Variants in DYRK1A observed in about 807,000 individuals in gnomAD.
The protein encoded by DYRK1A is dual specificity tyrosine phosphorylation regulated kinase 1A, also known as dual specificity tyrosine-phosphorylation-regulated kinase 1A.
A neutral mutation model predicts 79.7 loss-of-function variants in DYRK1A; 9 were observed. The observed-to-expected ratio is 0.11, with a 90% CI of 0.07 to 0.20. The LOEUF (loss-of-function observed/expected upper bound fraction) is 0.20, where lower values mean the gene tolerates loss of function less well. Among genes scored for constraint, DYRK1A ranks in the 10% least tolerant of loss-of-function variants. The pLI is 1.00. For missense variants in DYRK1A, 622 were observed against 956.0 expected (o/e 0.65, Z 4.61); for synonymous variants, 349 against 329.7 (o/e 1.06, Z -0.63).
In DYRK1A at chr21:37,488,432, T is replaced by C. The variant is rs546042709; in HGVS notation, c.638-1743T>C. ...GAGTCTGATTTATTCTGATGAGTTT[T>C]ATTGTCTTGTCTTTGAACTTTAAAA... On this transcript the variant is annotated intron_variant, in intron 6 of 11. Coordinates refer to ENST00000647188, the MANE Select transcript of DYRK1A (RefSeq NM_001347721.2). 45 of 703,268 alleles carry C rather than the reference T, an allele frequency of 6.4e-5. No homozygotes were observed. The African/African-American group carries it at 7.9e-4, about 12-fold the overall frequency. 43.6% of individuals were successfully genotyped at this position (703,268 alleles called of 1,614,324 possible). A position where few individuals can be genotyped will look rare whatever the true frequency, so the allele number is the denominator to read the frequency against.
At chr21:37,499,465 A>AG (rs2053374510) in intron 9 of DYRK1A, among the ~76,000 whole-genome samples, 1 of 152,198 alleles carries the variant, frequency 6.6e-6, no homozygotes, top group African/African-American at 2.4e-5. Context: ...TACCAAAAAA[A>AG]TGGTGCTAGC....
At chr21:37,398,163 TACACAC>T (rs1481965208) in intron 1 of DYRK1A, among the ~76,000 whole-genome samples, 1 of 149,142 alleles carries the variant, frequency 6.7e-6, no homozygotes, top group African/African-American at 2.5e-5. Flanking sequence ...CCCTGCAGTG[TACACAC>T]ACACACATAC....
chr21:37,372,987 C>G (rs937593376), intron 1 of DYRK1A, among the ~76,000 whole-genome samples: 4 of 151,988 alleles, frequency 2.6e-5, no homozygotes, highest in African/African-American at 9.7e-5. Flanking sequence ...AATTTAATTT[C>G]TCCATTAAAT....
intron 1 of DYRK1A, among the ~76,000 whole-genome samples, chr21:37,418,573 A>G (rs2050403232): frequency 6.6e-6 from 1 of 152,206 alleles, no homozygotes; most frequent in Admixed American, 6.6e-5. Flanking sequence ...ATTTGATTAT[A>G]TAGTTCATAG....
At chr21:37,416,539 A>G (rs573266561) in intron 1 of DYRK1A, among the ~76,000 whole-genome samples, 3 of 152,040 alleles carry the variant, frequency 2.0e-5, no homozygotes, top group African/African-American at 7.2e-5. Context: ...TCCTTTGGCT[A>G]TTATAATTCT....
chr21:37,370,379 T>C (rs192971721), intron 1 of DYRK1A, among the ~76,000 whole-genome samples: 117 of 152,130 alleles, frequency 7.7e-4, no homozygotes, highest in African/African-American at 2.2e-3. Context: ...TATCTAGTTA[T>C]GAGAAGAAAA....
intron 2 of DYRK1A, among the ~76,000 whole-genome samples, chr21:37,433,134 A>G (rs568991791): frequency 1.1e-4 from 16 of 151,896 alleles, no homozygotes; most frequent in African/African-American, 3.9e-4. Context: ...TTCTGATTCT[A>G]AAAGTAGTAC....
chr21:37,500,912 T>G lies in DYRK1A; in HGVS notation c.1213-4371T>G, dbSNP rs189104257. Among the ~76,000 whole-genome samples the G allele has an allele frequency of 6.6e-5, 10 of 151,762 alleles. No homozygotes were observed. In the East Asian group the frequency reaches 1.9e-3, roughly 29 times the overall value. ...TATTAATCTTTGCAGACAACCAGCT[T>G]TTGACTTTGTTGATTTCTTTTTTTT... On this transcript the variant is annotated intron_variant, in intron 9 of 11. Transcript: ENST00000647188.
At chr21:37,443,231 C>A (rs2051163469) in intron 2 of DYRK1A, among the ~76,000 whole-genome samples, 1 of 152,008 alleles carries the variant, frequency 6.6e-6, no homozygotes, top group South Asian at 2.1e-4. Context: ...CTTACTGCAA[C>A]CTTCAACTCC....
At chr21:37,498,982 G>A (rs2154545) in intron 9 of DYRK1A, among the ~76,000 whole-genome samples, 63,850 of 151,638 alleles carry the variant, frequency 0.42, 14,379 homozygotes, top group African/African-American at 0.58. Flanking sequence ...TGTGTTACTG[G>A]GTTGTTTAAT....
chr21:37,411,655 T>C (rs1235677031), intron 1 of DYRK1A, among the ~76,000 whole-genome samples: 3 of 152,226 alleles, frequency 2.0e-5, no homozygotes, highest in African/African-American at 4.8e-5. Flanking sequence ...GTCATTTTTA[T>C]AGAATGTCTA....
At chr21:37,415,117 C>T (rs1357319851) in intron 1 of DYRK1A, among the ~76,000 whole-genome samples, 1 of 152,138 alleles carries the variant, frequency 6.6e-6, no homozygotes, top group Non-Finnish European at 1.5e-5. Flanking sequence ...CGTCCAAATA[C>T]TCAGTGCCTG....
At chr21:37,506,618 A>T (rs1220843652) in intron 11 of DYRK1A, among the ~76,000 whole-genome samples, 1 of 152,164 alleles carries the variant, frequency 6.6e-6, no homozygotes, top group Non-Finnish European at 1.5e-5. Flanking sequence ...ATTTTTTAGC[A>T]TTTATAGTCC....
intron 2 of DYRK1A, among the ~76,000 whole-genome samples, chr21:37,445,532 T>G (rs750736766): frequency 6.6e-5 from 10 of 152,018 alleles, no homozygotes; most frequent in Non-Finnish European, 1.5e-5. Context: ...ACAAATAGAG[T>G]TGGGGAAGAT....
chr21:37,493,297 ATACC>A, intron 8 of DYRK1A, 134 bp downstream of exon 8: 1 of 800,632 alleles, frequency 1.2e-6, no homozygotes, highest in Non-Finnish European at 1.9e-6. Context: ...CAGTTTGAAT[ATACC>A]TATTTTTCAT....
In DYRK1A at chr21:37,524,004, A is replaced by G. The variant is rs2053952455; in HGVS notation, c.*11473A>G. On this transcript the variant is annotated 3_prime_UTR_variant, in exon 12 of 12. Transcript: ENST00000647188. ...GCCACTTGTATTCCCATGCTACAAC[A>G]TTTTATTTTTTATTACCAATATATA... The G allele has an allele frequency of 6.6e-6, 1 of 152,198 alleles. No homozygotes were observed. The highest frequency in any genetic ancestry group is 1.5e-5 in the Non-Finnish European group (1 of 68,030). The allele number at this position is 152,198 out of a possible 1,614,324, so 9.4% of individuals were successfully genotyped here. A position where few individuals can be genotyped will look rare whatever the true frequency, so the allele number is the denominator to read the frequency against.
At chr21:37,461,043 T>C (rs758946561) in intron 2 of DYRK1A, among the ~76,000 whole-genome samples, 17 of 152,306 alleles carry the variant, frequency 1.1e-4, no homozygotes, top group Non-Finnish European at 2.4e-4. Context: ...CCTTTTGTAA[T>C]CAAGAGTGGT....
Position 37,517,662 on chromosome 21 carries a change from G to A in DYRK1A, c.*5131G>A, listed in dbSNP as rs2053894677. 6.6e-6 allele frequency: 1 copy of A among 152,268 alleles called. No homozygotes were observed. The highest frequency in any genetic ancestry group is 1.5e-5 in the Non-Finnish European group (1 of 68,180). The allele number at this position is 152,268 out of a possible 1,614,324, so 9.4% of individuals were successfully genotyped here. On this transcript the variant is annotated 3_prime_UTR_variant, in exon 12 of 12. Coordinates refer to ENST00000647188, the MANE Select transcript of DYRK1A (RefSeq NM_001347721.2). Reference sequence around the variant, plus strand: ...CAGCCAAGCAGGTGTGCCGGGCAGGGAGTTGTTAATGAACACCCAGGCAAG... The same window carrying A: ...CAGCCAAGCAGGTGTGCCGGGCAGGAAGTTGTTAATGAACACCCAGGCAAG...
Position 37,490,360 on chromosome 21 carries a change from A to G in DYRK1A, c.823A>G (p.Ile275Val). 1 of 1,613,740 alleles carries G rather than the reference A, an allele frequency of 6.2e-7. No homozygotes were observed. The highest frequency in any genetic ancestry group is 8.5e-7 in the Non-Finnish European group (1 of 1,179,732). Residue 275 changes from isoleucine to valine, a missense_variant, in exon 7 of 12, where the codon ATT becomes GTT. Ile to Val is a conservative substitution (Grantham distance 29). Transcript: ENST00000647188. Reference sequence around the variant, plus strand: ...CCTTGCGACTCCAGAACTTAGTATCATTCACTGTGATCTAAAACCTGAAAA... The same window carrying G: ...CCTTGCGACTCCAGAACTTAGTATCGTTCACTGTGATCTAAAACCTGAAAA... ...LFLATPELSI[I>V]HCDLKPENIL...
Sources: gnomAD v4.1 joint callset for allele counts (sites outside exome capture counted in the v4.1 genomes callset) on GRCh38, gnomAD v4.1.1 for gene constraint, MANE v1.5 for transcripts, NCBI Gene and HGNC (gene_info 2026-07-23, HGNC 2026-07-21) for gene names.